Variants in MYT1L observed in about 807,000 individuals in gnomAD.
MYT1L encodes the protein myelin transcription factor 1 like, also known as myelin transcription factor 1-like protein.
MYT1L carries 12 observed loss-of-function variants against 126.7 expected under a neutral mutation model. The observed-to-expected ratio is 0.09, with a 90% confidence interval of 0.06 to 0.15. The LOEUF is 0.15. MYT1L is among the 10% of genes least tolerant of loss of function. The pLI, the probability that MYT1L is intolerant of heterozygous loss-of-function variation, is 1.00. For synonymous variants in MYT1L, 541 were observed against 604.2 expected (o/e 0.90, Z 1.53); for missense variants, 979 against 1,585.2 (o/e 0.62, Z 6.49).
At chr2:1,792,605 C>T in intron 23 of MYT1L, 141 bp from the exon 24 acceptor site, 1 of 914,674 alleles carries the variant, frequency 1.1e-6, no homozygotes, top group Non-Finnish European at 1.6e-6. Flanking sequence ...CGCCGTGGCT[C>T]ACGCCTGGAA....
At chr2:2,027,821 G>A (rs867463932) in intron 4 of MYT1L, among the ~76,000 whole-genome samples, 11 of 69,880 alleles carry the variant, frequency 1.6e-4, no homozygotes, top group East Asian at 6.1e-4. Context: ...TTGATGTGGC[G>A]TGGCCCAATT....
intron 3 of MYT1L, among the ~76,000 whole-genome samples, chr2:2,090,943 C>T (rs1377145341): frequency 7.9e-5 from 12 of 152,202 alleles, no homozygotes; most frequent in African/African-American, 9.6e-5. Context: ...GCAATTCAGT[C>T]GCATCTTTAA....
intron 13 of MYT1L, among the ~76,000 whole-genome samples, chr2:1,909,499 T>C (rs1271181821): frequency 1.3e-5 from 2 of 152,152 alleles, no homozygotes; most frequent in Non-Finnish European, 2.9e-5. Flanking sequence ...TATGTGACAA[T>C]TGTCATAGTT....
intron 18 of MYT1L, among the ~76,000 whole-genome samples, chr2:1,859,514 T>C (rs2044311512): frequency 6.6e-6 from 1 of 152,226 alleles, no homozygotes. Context: ...TAGGGCCTTG[T>C]GGCTGAGAGT....
intron 2 of MYT1L, among the ~76,000 whole-genome samples, chr2:2,176,149 A>G (rs1370130256): frequency 6.6e-6 from 1 of 152,192 alleles, no homozygotes; most frequent in Non-Finnish European, 1.5e-5. Context: ...TTTTTCAGAG[A>G]AAAGAAAGAA....
intron 8 of MYT1L, among the ~76,000 whole-genome samples, chr2:1,958,004 G>A (rs766802546): frequency 1.2e-4 from 19 of 152,204 alleles, no homozygotes; most frequent in East Asian, 1.9e-4. Context: ...GGAAGCTCAC[G>A]CATGCCCCCA....
chr2:2,009,160 C>CT (rs1014628600), intron 4 of MYT1L, among the ~76,000 whole-genome samples: 22 of 145,454 alleles, frequency 1.5e-4, no homozygotes, highest in African/African-American at 5.0e-4. Context: ...TTTTTTTTTT[C>CT]TTTTTTTCCT....
intron 19 of MYT1L, among the ~76,000 whole-genome samples, chr2:1,843,311 C>A (rs1370087774): frequency 6.6e-6 from 1 of 152,212 alleles, no homozygotes; most frequent in Admixed American, 6.5e-5. Context: ...TGTTCCTCTG[C>A]GGTTCCCCAA....
At chr2:1,952,174 C>T (rs936355381) in intron 8 of MYT1L, among the ~76,000 whole-genome samples, 27 of 152,146 alleles carry the variant, frequency 1.8e-4, no homozygotes, top group African/African-American at 6.5e-4. Context: ...AAAATGTTTA[C>T]TTGAACCTCT....
At chr2:2,036,898 G>A (rs957604918) in intron 4 of MYT1L, among the ~76,000 whole-genome samples, 2 of 152,128 alleles carry the variant, frequency 1.3e-5, no homozygotes, top group Non-Finnish European at 2.9e-5. Context: ...CTGTCACCAG[G>A]CCCTGCAGGA....
chr2:2,069,586 C>CAATA (rs1326987321), intron 3 of MYT1L, among the ~76,000 whole-genome samples: 2 of 152,020 alleles, frequency 1.3e-5, no homozygotes, highest in African/African-American at 4.8e-5. Context: ...GGTATATACT[C>CAATA]AATAATGGGA....
At chr2:2,255,703 C>T (rs769262382) in intron 2 of MYT1L, among the ~76,000 whole-genome samples, 1 of 152,152 alleles carries the variant, frequency 6.6e-6, no homozygotes, top group African/African-American at 2.4e-5. Context: ...TGGATGCCTG[C>T]AGTGACAGGT....
intron 8 of MYT1L, among the ~76,000 whole-genome samples, chr2:1,968,476 C>T (rs1384121932): frequency 6.6e-6 from 1 of 152,214 alleles, no homozygotes; most frequent in Non-Finnish European, 1.5e-5. Context: ...AAGCCTGTGT[C>T]TGGCGATGTC....
At chr2:2,185,929 C>A (rs2092109003) in intron 2 of MYT1L, among the ~76,000 whole-genome samples, 7 of 124,218 alleles carry the variant, frequency 5.6e-5, no homozygotes, top group African/African-American at 2.1e-4. Flanking sequence ...TCCCGCGTTC[C>A]TTCTGTGAGG....
At chr2:2,137,403 C>T (rs2083221177) in intron 3 of MYT1L, among the ~76,000 whole-genome samples, 1 of 152,172 alleles carries the variant, frequency 6.6e-6, no homozygotes, top group Non-Finnish European at 1.5e-5. Context: ...GCCAAAAGAA[C>T]AAAGCTGAAA....
chr2:1,878,659 T>C (rs2047207970), intron 18 of MYT1L, among the ~76,000 whole-genome samples: 2 of 152,228 alleles, frequency 1.3e-5, no homozygotes, highest in East Asian at 1.9e-4. Context: ...AGCTTGTGAC[T>C]TTCATGTGGG....
At chr2:2,090,631 G>A (rs1395624031) in intron 3 of MYT1L, among the ~76,000 whole-genome samples, 1 of 152,048 alleles carries the variant, frequency 6.6e-6, no homozygotes, top group Non-Finnish European at 1.5e-5. Flanking sequence ...ATATCTATTG[G>A]AAAACTTCTA....
chr2:1,818,922 C>T (rs1381349622), intron 21 of MYT1L, among the ~76,000 whole-genome samples: 1 of 152,174 alleles, frequency 6.6e-6, no homozygotes, highest in African/African-American at 2.4e-5. Flanking sequence ...CAGGTGGACG[C>T]CTCGGCCACA....
intron 22 of MYT1L, among the ~76,000 whole-genome samples, chr2:1,803,966 C>T (rs1253331353): frequency 6.6e-6 from 1 of 152,200 alleles, no homozygotes; most frequent in African/African-American, 2.4e-5. Flanking sequence ...GTGAAGCCCC[C>T]TCAGGGAGAG....
Sources: allele counts gnomAD v4.1 joint callset (sites outside exome capture counted in the v4.1 genomes callset), GRCh38; gene constraint gnomAD v4.1.1; transcripts MANE v1.5; gene names NCBI Gene and HGNC (gene_info 2026-07-23, HGNC 2026-07-21).